The following PDK1 variants were observed in gnomAD, a reference collection of about 807,000 sequenced individuals.
The protein encoded by PDK1 is [Pyruvate dehydrogenase (acetyl-transferring)] kinase isozyme 1, mitochondrial.
A neutral mutation model predicts 54.2 loss-of-function variants in PDK1; 39 were observed. The observed-to-expected ratio is 0.72, with a 90% CI of 0.56 to 0.94. PDK1 has a LOEUF of 0.94. Ranked by LOEUF, PDK1 falls within the 40% of genes least tolerant of loss-of-function variation. PDK1 has a pLI of 0.00. For synonymous variants in PDK1, 221 were observed against 207.1 expected (o/e 1.07, Z -0.58); for missense variants, 552 against 566.0 (o/e 0.98, Z 0.25).
At chr2:172,706,445 G>A in the PDK1 span, among the ~76,000 whole-genome samples, 8 of 149,354 alleles carry the variant, frequency 5.4e-5, no homozygotes, top group Non-Finnish European at 1.0e-4. Flanking sequence ...TTTTCTTTGA[G>A]ACAGGGTCTA....
chr2:172,636,363 G>A, the PDK1 span, among the ~76,000 whole-genome samples: 5 of 151,838 alleles, frequency 3.3e-5, no homozygotes, highest in Admixed American at 2.6e-4. Context: ...GAGAGGGCGG[G>A]AGAGAGAGGG....
intron 9 of PDK1, among the ~76,000 whole-genome samples, chr2:172,592,379 C>T (rs1690640440): frequency 6.6e-6 from 1 of 152,008 alleles, no homozygotes; most frequent in South Asian, 2.1e-4. Context: ...TTGTGTCTCT[C>T]TTTCTCTCTC....
intron 9 of PDK1, 107 bp from the exon 10 acceptor site, chr2:172,592,828 G>C: frequency 1.7e-6 from 1 of 576,776 alleles, no homozygotes; most frequent in Admixed American, 2.8e-5. Context: ...GCATCTCTCA[G>C]ATGCGGGCTC....
At chr2:172,661,566 T>C in the PDK1 span, among the ~76,000 whole-genome samples, 3 of 152,212 alleles carry the variant, frequency 2.0e-5, no homozygotes, top group Non-Finnish European at 4.4e-5. Context: ...CAGGGCTTGA[T>C]TTATTATTTT....
chr2:172,700,296 C>A, the PDK1 span, among the ~76,000 whole-genome samples: 1 of 151,610 alleles, frequency 6.6e-6, no homozygotes, highest in African/African-American at 2.4e-5. Flanking sequence ...GGGTGGCGGC[C>A]GGGCAGAGGG....
the PDK1 span, among the ~76,000 whole-genome samples, chr2:172,668,284 T>G: frequency 2.0e-5 from 3 of 151,578 alleles, no homozygotes; most frequent in Admixed American, 2.0e-4. Flanking sequence ...CTTTATTTTT[T>G]TTTTTTTTTG....
the PDK1 span, among the ~76,000 whole-genome samples, chr2:172,701,656 T>G: frequency 1.3e-4 from 19 of 149,428 alleles, no homozygotes; most frequent in African/African-American, 4.6e-4. Flanking sequence ...TTGTTTTTTT[T>G]TTTTTTTGGA....
the PDK1 span, among the ~76,000 whole-genome samples, chr2:172,640,926 C>T: frequency 0.018 from 2,621 of 147,854 alleles, 71 homozygotes; most frequent in African/African-American, 0.062. Context: ...CCCTCCCTTC[C>T]TTCCTTCCTT....
At chr2:172,704,143 TGTTCTCACG>T in the PDK1 span, among the ~76,000 whole-genome samples, 9 of 152,308 alleles carry the variant, frequency 5.9e-5, no homozygotes, top group African/African-American at 1.9e-4. Flanking sequence ...TTTAAGAGCA[TGTTCTCACG>T]GTTCCACTTC....
intron 1 of PDK1, among the ~76,000 whole-genome samples, chr2:172,558,440 A>T (rs1345930011): frequency 6.6e-6 from 1 of 152,234 alleles, no homozygotes; most frequent in Non-Finnish European, 1.5e-5. Context: ...CACTTTAAGG[A>T]TGCAAATTAG....
chr2:172,581,471 C>A (rs1241452709), intron 8 of PDK1, among the ~76,000 whole-genome samples: 1 of 152,062 alleles, frequency 6.6e-6, no homozygotes, highest in Non-Finnish European at 1.5e-5. Context: ...GTTCTAGAAG[C>A]CTGCTATGTT....
At chr2:172,702,219 G>C in the PDK1 span, among the ~76,000 whole-genome samples, 2 of 152,158 alleles carry the variant, frequency 1.3e-5, no homozygotes. Flanking sequence ...GTTCATGCCT[G>C]TAATCCCAGC....
At chr2:172,560,656 G>A (rs754976642) in intron 2 of PDK1, among the ~76,000 whole-genome samples, 1 of 152,020 alleles carries the variant, frequency 6.6e-6, no homozygotes, top group African/African-American at 2.4e-5. Context: ...TTTATTGAAG[G>A]GTATCTTTTT....
intron 8 of PDK1, among the ~76,000 whole-genome samples, chr2:172,579,587 A>G (rs902863910): frequency 3.5e-5 from 3 of 84,742 alleles, no homozygotes; most frequent in Non-Finnish European, 7.1e-5. Context: ...TTTCTCTTCT[A>G]TTTTTGCTGA....
At chr2:172,703,762 C>CTTTTTTTTTTTTTTTTTTTTTTTT in the PDK1 span, among the ~76,000 whole-genome samples, 1 of 103,256 alleles carries the variant, frequency 9.7e-6, no homozygotes, top group Non-Finnish European at 2.0e-5. Flanking sequence ...TTCTTTCTTT[C>CTTTTTTTTTTTTTTTTTTTTTTTT]TTTCTTTTTT....
chr2:172,631,475 G>A, the PDK1 span, among the ~76,000 whole-genome samples: 2 of 152,178 alleles, frequency 1.3e-5, no homozygotes, highest in East Asian at 1.9e-4. Flanking sequence ...AGTTTTGTTT[G>A]GGACAGCAAT....
At chr2:172,700,443 A>G in the PDK1 span, among the ~76,000 whole-genome samples, 2 of 145,492 alleles carry the variant, frequency 1.4e-5, no homozygotes, top group Non-Finnish European at 3.0e-5. Context: ...ATCCCAGACG[A>G]TGGGCGGCAG....
the PDK1 span, among the ~76,000 whole-genome samples, chr2:172,647,636 T>G: frequency 6.6e-6 from 1 of 152,208 alleles, no homozygotes; most frequent in Non-Finnish European, 1.5e-5. Context: ...CAATTCATCC[T>G]TAAGGAATTC....
chr2:172,586,441 C>A, intron 9 of PDK1, 53 bp downstream of exon 9: 1 of 1,057,718 alleles, frequency 9.5e-7, no homozygotes, highest in Non-Finnish European at 1.5e-6. Flanking sequence ...CTTCCACATG[C>A]TGTAGCTGCC....
Sources: allele counts gnomAD v4.1 joint callset (sites outside exome capture counted in the v4.1 genomes callset), GRCh38; gene constraint gnomAD v4.1.1; transcripts MANE v1.5; gene names NCBI Gene and HGNC (gene_info 2026-07-23, HGNC 2026-07-21).